Variants in PLCB1 observed in about 807,000 individuals in gnomAD.
PLCB1 encodes phospholipase C beta 1.
A neutral mutation model predicts 161.8 loss-of-function variants in PLCB1; 46 were observed. The observed-to-expected ratio is 0.28, with a 90% CI of 0.22 to 0.36. PLCB1 has a LOEUF of 0.36. Among genes scored for constraint, PLCB1 ranks in the 10% least tolerant of loss-of-function variants. The pLI is 1.00. For missense variants in PLCB1, 1,016 were observed against 1,472.5 expected (o/e 0.69, Z 5.07); for synonymous variants, 517 against 503.7 (o/e 1.03, Z -0.35).
At chr20:8,334,840 T>G (rs1173336012) in intron 2 of PLCB1, among the ~76,000 whole-genome samples, 1 of 152,196 alleles carries the variant, frequency 6.6e-6, no homozygotes, top group Non-Finnish European at 1.5e-5. Flanking sequence ...TGCCCCATGC[T>G]TTTCCATGCA....
At chr20:8,296,326 G>C in intron 2 of PLCB1, among the ~76,000 whole-genome samples, 1 of 152,116 alleles carries the variant, frequency 6.6e-6, no homozygotes, top group East Asian at 1.9e-4. Flanking sequence ...TCACCCGTCA[G>C]TGTTCTTTCA....
At chr20:8,601,958 A>G (rs1411342052) in intron 3 of PLCB1, among the ~76,000 whole-genome samples, 1 of 152,124 alleles carries the variant, frequency 6.6e-6, no homozygotes, top group Non-Finnish European at 1.5e-5. Flanking sequence ...CCTCCCTTGC[A>G]GCACCAACAC....
chr20:8,233,770 ATCT>A (rs751413020), intron 2 of PLCB1, among the ~76,000 whole-genome samples: 1 of 152,114 alleles, frequency 6.6e-6, no homozygotes, highest in Non-Finnish European at 1.5e-5. Context: ...CCCAAGGCTA[ATCT>A]TCTGGCTTTA....
chr20:8,812,048 GA>G (rs1396206098), intron 31 of PLCB1, among the ~76,000 whole-genome samples: 1 of 151,310 alleles, frequency 6.6e-6, no homozygotes, highest in Admixed American at 6.6e-5. Flanking sequence ...TACAAGAGAG[GA>G]AGGTATTTTT....
At chr20:8,565,246 C>A (rs184097430) in intron 3 of PLCB1, among the ~76,000 whole-genome samples, 1 of 152,040 alleles carries the variant, frequency 6.6e-6, no homozygotes. Flanking sequence ...AACAGAAAAC[C>A]AAACACCACA....
rs1034353423 is a variant in PLCB1, at chr20:8,724,540, C to T, written c.1582-116C>T. On this transcript the variant is annotated intron_variant, in intron 15 of 31. Coordinates refer to ENST00000338037, the MANE Select transcript of PLCB1 (RefSeq NM_015192.4). Reference sequence around the variant, plus strand: ...TAATGAATTTTCATTTTGTAATTTTCAGAAAGGGAGGGATGATTTTCTGCA... The same window carrying T: ...TAATGAATTTTCATTTTGTAATTTTTAGAAAGGGAGGGATGATTTTCTGCA... 2.6e-4 allele frequency: 183 copies of T among 690,892 alleles called. 3 individuals carry two copies. The highest frequency in any genetic ancestry group is 5.6e-5 in the Non-Finnish European group (22 of 395,076). 42.8% of individuals were successfully genotyped at this position (690,892 alleles called of 1,614,324 possible).
intron 7 of PLCB1, among the ~76,000 whole-genome samples, chr20:8,650,582 A>C (rs932951831): frequency 6.6e-6 from 1 of 152,170 alleles, no homozygotes; most frequent in Admixed American, 6.5e-5. Context: ...CTTCTACCCT[A>C]CCACTGGCTC....
intron 25 of PLCB1, among the ~76,000 whole-genome samples, chr20:8,763,412 G>A (rs1165552518): frequency 6.6e-6 from 1 of 151,866 alleles, no homozygotes; most frequent in Non-Finnish European, 1.5e-5. Flanking sequence ...AGAGACAAGA[G>A]TCTAACTCTG....
At chr20:8,792,310 TG>T (rs1460677622) in intron 31 of PLCB1, among the ~76,000 whole-genome samples, 1 of 152,174 alleles carries the variant, frequency 6.6e-6, no homozygotes, top group Non-Finnish European at 1.5e-5. Context: ...ATCACTTTCA[TG>T]ATTGGCTTAG....
rs149312175 is a variant in PLCB1, at chr20:8,765,296, G to A, written c.2868G>A (p.Gln956=). ...ACACTACCAAGTATAATGAAATTCA[G>A]AATGACTACTTGAGAAGGAGAGCCG... ...KEHTTKYNEI[Q]NDYLRRRAAL... is the part of the protein sequence containing the mutation. The change falls in exon 26 of 32, where the codon CAG becomes CAA. Residue 956 remains glutamine, a synonymous_variant. Transcript: ENST00000338037. 32 of 1,614,118 alleles carry A rather than the reference G, an allele frequency of 2.0e-5. No individual in the cohort carries two copies. The African/African-American group carries it at 4.0e-4, about 20-fold the overall frequency.
chr20:8,527,845 C>T (rs897020858), intron 3 of PLCB1, among the ~76,000 whole-genome samples: 6 of 151,916 alleles, frequency 3.9e-5, no homozygotes, highest in African/African-American at 1.5e-4. Flanking sequence ...TAGCACAGAC[C>T]TTTGGGAAAT....
intron 31 of PLCB1, among the ~76,000 whole-genome samples, chr20:8,842,605 C>T (rs1986547183): frequency 6.6e-6 from 1 of 152,170 alleles, no homozygotes; most frequent in African/African-American, 2.4e-5. Context: ...CATCGGCAGA[C>T]TTATGTCTCC....
chr20:8,723,268 G>A (rs1349691903), intron 15 of PLCB1, among the ~76,000 whole-genome samples: 1 of 152,116 alleles, frequency 6.6e-6, no homozygotes. Context: ...CAAAGTATAT[G>A]TTCCTGAGAA....
intron 3 of PLCB1, among the ~76,000 whole-genome samples, chr20:8,472,369 C>G (rs1982093386): frequency 6.6e-6 from 1 of 152,144 alleles, no homozygotes; most frequent in Admixed American, 6.6e-5. Context: ...ATACCAGCCC[C>G]ATCACTGGGG....
intron 3 of PLCB1, among the ~76,000 whole-genome samples, chr20:8,603,033 G>A (rs1041353274): frequency 1.3e-5 from 2 of 151,956 alleles, no homozygotes; most frequent in Non-Finnish European, 2.9e-5. Context: ...CACATGGTTT[G>A]TACAGCAGGA....
At chr20:8,212,275 A>G (rs893080624) in intron 2 of PLCB1, among the ~76,000 whole-genome samples, 6 of 152,178 alleles carry the variant, frequency 3.9e-5, no homozygotes, top group East Asian at 1.9e-4. Context: ...TCTTCAGCAT[A>G]AATACATGAG....
intron 11 of PLCB1, 117 bp downstream of exon 11, chr20:8,697,900 A>G: frequency 9.2e-6 from 8 of 870,720 alleles, no homozygotes; most frequent in Non-Finnish European, 1.3e-5. Flanking sequence ...GCTGTTAATC[A>G]TCTTTGCAAT....
rs1370645436 is a variant in PLCB1 at position 8,883,547 on chromosome 20, C to CAA, written c.*1702_*1703dup. On this transcript the variant is annotated 3_prime_UTR_variant, in exon 32 of 32. Transcript: ENST00000338037. ...TAGCTTTGTGAAATATCTTAAAACGCAAAAACCAATTGTGTCCTGAAAATT... is the reference window on the plus strand; with the variant it reads ...TAGCTTTGTGAAATATCTTAAAACGCAAAAAAACCAATTGTGTCCTGAAAATT... 9 of 151,880 alleles carry CAA rather than the reference C, an allele frequency of 5.9e-5. No individual in the cohort carries two copies. Among genetic ancestry groups the CAA allele is most frequent in the African/African-American group, 2.2e-4 (9 of 41,406 alleles). 9.4% of individuals were successfully genotyped at this position (151,880 alleles called of 1,614,324 possible).
intron 31 of PLCB1, among the ~76,000 whole-genome samples, chr20:8,833,853 G>T (rs1210077070): frequency 6.6e-6 from 1 of 151,970 alleles, no homozygotes; most frequent in African/African-American, 2.4e-5. Flanking sequence ...GCTTTTCCAG[G>T]TGAAGTATCT....
Sources: gnomAD v4.1 joint callset for allele counts (sites outside exome capture counted in the v4.1 genomes callset) on GRCh38, gnomAD v4.1.1 for gene constraint, MANE v1.5 for transcripts, NCBI Gene and HGNC (gene_info 2026-07-23, HGNC 2026-07-21) for gene names.